The following NAV3 variants were observed in gnomAD, a reference collection of about 807,000 sequenced individuals.
NAV3 encodes the protein pore membrane and/or filament interacting like protein 1.
A neutral mutation model predicts 244.7 loss-of-function variants in NAV3; 87 were observed. The observed-to-expected ratio is 0.36, with a 90% CI of 0.30 to 0.42. NAV3 has a LOEUF of 0.42. Among genes scored for constraint, NAV3 ranks in the 20% least tolerant of loss-of-function variants. The pLI, the probability that NAV3 is intolerant of heterozygous loss-of-function variation, is 1.00. For missense variants in NAV3, 2,663 were observed against 2,893.3 expected, an observed-to-expected ratio of 0.92 and a Z score of 1.83; for synonymous variants, 1,126 against 1,042.2, an observed-to-expected ratio of 1.08 and a Z score of -1.55.
intron 1 of NAV3, among the ~76,000 whole-genome samples, chr12:77,904,409 C>A (rs1342585760): frequency 6.6e-6 from 1 of 152,088 alleles, no homozygotes; most frequent in African/African-American, 2.4e-5. Context: ...AAACCAAACA[C>A]CGCATGTTCT....
At chr12:77,619,938 T>A (rs777819413) in intron 2 of NAV3, among the ~76,000 whole-genome samples, 5 of 152,192 alleles carry the variant, frequency 3.3e-5, no homozygotes, top group Non-Finnish European at 7.3e-5. Flanking sequence ...TTAAATGTTC[T>A]ATTTTAGTAA....
rs148546086 is a variant in NAV3, at chr12:78,154,226, T to C, written c.4786-4977T>C. The stretch of plus-strand genomic sequence containing the variant: ...TACTCTAGGTATACATATATGCCTA[T>C]ATATGCACCTATATATTTATATATT... On this transcript the variant is annotated intron_variant, in intron 22 of 39. Coordinates refer to ENST00000397909, the MANE Select transcript of NAV3 (RefSeq NM_001024383.2). 5.8e-3 allele frequency among the ~76,000 whole-genome samples: 808 copies of C among 140,048 alleles called. 12 individuals are homozygous for C. Among genetic ancestry groups the C allele is most frequent in the African/African-American group, 0.02 (771 of 38,714 alleles). The allele number at this position is 140,048 out of a possible 152,430, so 91.9% of individuals were successfully genotyped here. A position where few individuals can be genotyped will look rare whatever the true frequency, so the allele number is the denominator to read the frequency against.
intron 9 of NAV3, among the ~76,000 whole-genome samples, chr12:78,049,745 T>C: frequency 6.6e-6 from 1 of 152,004 alleles, no homozygotes; most frequent in Non-Finnish European, 1.5e-5. Context: ...TTTTTTTTTA[T>C]TTTAAGGTCA....
chr12:77,694,536 A>G (rs909361479), intron 2 of NAV3, among the ~76,000 whole-genome samples: 17 of 151,920 alleles, frequency 1.1e-4, no homozygotes, highest in African/African-American at 3.1e-4. Flanking sequence ...ATGCACACAA[A>G]CCTTAACAAC....
At chr12:78,000,985 A>T (rs1873199516) in intron 7 of NAV3, among the ~76,000 whole-genome samples, 1 of 151,752 alleles carries the variant, frequency 6.6e-6, no homozygotes, top group Admixed American at 6.5e-5. Flanking sequence ...CTAAAAAAAA[A>T]AAAAAAATTA....
chr12:78,155,863 G>A (rs756120603), intron 22 of NAV3, among the ~76,000 whole-genome samples: 7 of 151,824 alleles, frequency 4.6e-5, no homozygotes, highest in Middle Eastern at 3.4e-3. Flanking sequence ...TTTTACTTGC[G>A]CATTTGTTGA....
intron 2 of NAV3, among the ~76,000 whole-genome samples, chr12:77,808,567 C>T (rs752546127): frequency 6.6e-5 from 10 of 152,150 alleles, no homozygotes; most frequent in South Asian, 2.1e-4. Flanking sequence ...AGAGGGGCAC[C>T]GGCCAGATGC....
intron 2 of NAV3, among the ~76,000 whole-genome samples, chr12:77,655,715 G>C (rs1873066303): frequency 6.6e-6 from 1 of 152,046 alleles, no homozygotes; most frequent in Non-Finnish European, 1.5e-5. Context: ...AGAAAGGTCG[G>C]GTTACCCACA....
intron 23 of NAV3, among the ~76,000 whole-genome samples, chr12:78,162,891 A>AATATATATATAAATATATATAAT (rs1555185547): frequency 7.8e-6 from 1 of 127,764 alleles, no homozygotes; most frequent in East Asian, 2.1e-4. Context: ...TAATATATAT[A>AATATATATATAAATATATATAAT]ATATATATAT....
At position 77,778,982 on chromosome 12, in the gene NAV3, A is replaced by G. The variant is rs1045815362; in HGVS notation, c.73-161337A>G. On this transcript the variant is annotated intron_variant, in intron 2 of 8. Coordinates refer to the NAV3 transcript ENST00000550042. ...TTGTAATTTTCTCAAGTTATTAAGG[A>G]AAACACATTAATGGAATTTGAAAAT... Among the ~76,000 whole-genome samples the G allele has an allele frequency of 5.3e-5, 8 of 152,354 alleles. No individual in the cohort carries two copies. In the South Asian group the frequency reaches 1.2e-3, roughly 24 times the overall value.
At position 77,585,661 on chromosome 12, in the gene NAV3, G is replaced by C. The variant is rs114334131; in HGVS notation, c.72+13395G>C. On this transcript the variant is annotated intron_variant, in intron 2 of 8. Transcript: ENST00000550042. Reference sequence around the variant, plus strand: ...GTAGGGTTCGTACTCACTCCTACGAGAACCTAACACCTTGGCTGATCCTAC... The same window carrying C: ...GTAGGGTTCGTACTCACTCCTACGACAACCTAACACCTTGGCTGATCCTAC... Among the ~76,000 whole-genome samples the C allele has an allele frequency of 1.0e-2, 1,516 of 152,204 alleles. 22 individuals carry two copies. Among genetic ancestry groups the C allele is most frequent in the African/African-American group, 0.034 (1,416 of 41,518 alleles).
At chr12:77,892,695 G>C (rs555564081) in intron 1 of NAV3, among the ~76,000 whole-genome samples, 1 of 152,150 alleles carries the variant, frequency 6.6e-6, no homozygotes, top group Non-Finnish European at 1.5e-5. Context: ...GATTACAGGC[G>C]TGAGCCACTG....
intron 2 of NAV3, among the ~76,000 whole-genome samples, chr12:77,665,139 C>T (rs1036119291): frequency 6.6e-6 from 1 of 152,154 alleles, no homozygotes; most frequent in Admixed American, 6.5e-5. Flanking sequence ...GGATACTTGA[C>T]CTTTTGTAGT....
intron 12 of NAV3, among the ~76,000 whole-genome samples, chr12:78,104,093 G>A (rs1348899503): frequency 3.3e-5 from 5 of 152,172 alleles, no homozygotes; most frequent in Admixed American, 2.0e-4. Flanking sequence ...TCAGTAGTAA[G>A]CATGTTTCTT....
chr12:77,599,483 C>T (rs2136761010), intron 2 of NAV3, among the ~76,000 whole-genome samples: 1 of 151,844 alleles, frequency 6.6e-6, no homozygotes, highest in Non-Finnish European at 1.5e-5. Context: ...AGTACAGTGA[C>T]TTCTGAGAGT....
At chr12:77,904,038 C>T (rs1225006559) in intron 1 of NAV3, among the ~76,000 whole-genome samples, 1 of 152,130 alleles carries the variant, frequency 6.6e-6, no homozygotes, top group Non-Finnish European at 1.5e-5. Context: ...CACTTTTACA[C>T]TGTTGGTGGG....
chr12:78,051,274 A>T (rs978785526), intron 11 of NAV3, 127 bp downstream of exon 11: 1 of 1,055,568 alleles, frequency 9.5e-7, no homozygotes, highest in Admixed American at 2.6e-5. Flanking sequence ...ATCTGAGGTT[A>T]TTCAGAGTGT....
intron 5 of NAV3, among the ~76,000 whole-genome samples, chr12:77,984,132 G>A (rs1870051452): frequency 6.6e-6 from 1 of 152,138 alleles, no homozygotes; most frequent in African/African-American, 2.4e-5. Context: ...GCTAAGTCCT[G>A]TGGGACTTAT....
intron 22 of NAV3, among the ~76,000 whole-genome samples, chr12:78,154,753 AC>A (rs1038536233): frequency 2.0e-5 from 3 of 151,748 alleles, no homozygotes; most frequent in African/African-American, 4.8e-5. Context: ...GTCATTAACA[AC>A]CCCCCTGAAA....
Sources: gnomAD v4.1 joint callset for allele counts (sites outside exome capture counted in the v4.1 genomes callset) on GRCh38, gnomAD v4.1.1 for gene constraint, MANE v1.5 for transcripts, NCBI Gene and HGNC (gene_info 2026-07-23, HGNC 2026-07-21) for gene names.